Variants in MICAL3 observed in about 807,000 individuals in gnomAD.
MICAL3 encodes the protein microtubule associated monooxygenase, calponin and LIM domain containing 3, also known as [F-actin]-monooxygenase MICAL3.
Under a neutral mutation model 207.4 loss-of-function variants are expected in MICAL3, and 62 were observed. That is an observed-to-expected ratio of 0.30 (90% CI 0.24 to 0.37). The LOEUF is 0.37. MICAL3 is among the 10% of genes least tolerant of loss of function. MICAL3 has a pLI of 1.00. For synonymous variants in MICAL3, 1,077 were observed against 1,069.3 expected (o/e 1.01, Z -0.14); for missense variants, 2,368 against 2,635.6 (o/e 0.90, Z 2.22).
At chr22:17,812,228 C>T (rs2062056420) in intron 27 of MICAL3, among the ~76,000 whole-genome samples, 1 of 152,276 alleles carries the variant, frequency 6.6e-6, no homozygotes, top group South Asian at 2.1e-4. Flanking sequence ...TGAACTGCCC[C>T]TCTCTGGGGT....
chr22:17,877,732 T>C (rs1353756216), intron 16 of MICAL3, among the ~76,000 whole-genome samples: 1 of 152,074 alleles, frequency 6.6e-6, no homozygotes, highest in Admixed American at 6.5e-5. Flanking sequence ...TCTGCAAGCC[T>C]TATTGCCTCC....
At chr22:17,965,978 C>T (rs1935125002) in intron 1 of MICAL3, among the ~76,000 whole-genome samples, 1 of 152,184 alleles carries the variant, frequency 6.6e-6, no homozygotes, top group South Asian at 2.1e-4. Flanking sequence ...GACAGCTGTT[C>T]CCAGGACCAG....
chr22:17,904,831 G>C lies in MICAL3; in HGVS notation c.273C>G (p.Ile91Met), dbSNP rs775327987. Residue 91 changes from isoleucine (I) to methionine (M), a missense_variant, in exon 3 of 32, where the codon ATC becomes ATG. Around this residue, in one of 4 missense-constraint regions of MICAL3, gnomAD observed 400 missense variants for 547.0 expected, o/e 0.73. Coordinates refer to ENST00000441493, the MANE Select transcript of MICAL3 (RefSeq NM_015241.3). ...GGAGACCACAGGGGCCAGCCCCAAT[G>C]ATGAGACACTGAAAAACACAGCTGC... ...GKACTNTKCL[I>M]IGAGPCGLRT... is the part of the protein sequence containing the mutation. The C allele has an allele frequency of 6.2e-7, 1 of 1,612,964 alleles. No homozygotes were observed. Among genetic ancestry groups the C allele is most frequent in the South Asian group, 1.1e-5 (1 of 91,066 alleles).
intron 19 of MICAL3, among the ~76,000 whole-genome samples, chr22:17,859,459 C>A (rs5992125): frequency 6.6e-6 from 1 of 152,144 alleles, no homozygotes. Context: ...TGACAAAATG[C>A]GGGAACAGTG....
rs887806773 is a variant in MICAL3, at chr22:17,809,299, G to T, written c.5557-362C>A. Among the ~76,000 whole-genome samples, 5 of 152,208 alleles carry T rather than the reference G, an allele frequency of 3.3e-5. No individual in the cohort carries two copies. In the South Asian group the frequency reaches 1.0e-3, roughly 31 times the overall value. On this transcript the variant is annotated intron_variant, in intron 28 of 31. Transcript: ENST00000441493. ...CAAGACTGCTAGAGTGCTGGAGGGG[G>T]TTCCTGAAGAGTGCAGTGGAAATCC...
At chr22:17,974,804 C>T (rs1052944112) in intron 1 of MICAL3, among the ~76,000 whole-genome samples, 1 of 151,020 alleles carries the variant, frequency 6.6e-6, no homozygotes, top group African/African-American at 2.4e-5. Flanking sequence ...GTAATATGTG[C>T]TTACTGTGTG....
At chr22:17,797,508 G>A (rs1241614882) in intron 29 of MICAL3, among the ~76,000 whole-genome samples, 1 of 152,090 alleles carries the variant, frequency 6.6e-6, no homozygotes, top group African/African-American at 2.4e-5. Context: ...AAATAAATAA[G>A]TAATAATAGC....
intron 16 of MICAL3, among the ~76,000 whole-genome samples, chr22:17,881,026 G>C (rs558597342): frequency 6.6e-6 from 1 of 152,294 alleles, no homozygotes; most frequent in Admixed American, 6.5e-5. Flanking sequence ...TGTGAATGTA[G>C]GATGCACCAT....
chr22:17,985,739 G>A (rs1028966748), intron 1 of MICAL3, among the ~76,000 whole-genome samples: 4 of 152,022 alleles, frequency 2.6e-5, no homozygotes, highest in African/African-American at 9.7e-5. Context: ...CAGCAGAATC[G>A]AGGCTTTCTC....
chr22:17,949,453 C>T (rs368813988), intron 1 of MICAL3, among the ~76,000 whole-genome samples: 1 of 152,296 alleles, frequency 6.6e-6, no homozygotes, highest in South Asian at 2.1e-4. Flanking sequence ...CAGTGAGCGA[C>T]AAAGCAGGGA....
chr22:17,969,269 G>A (rs1168816614), intron 1 of MICAL3, among the ~76,000 whole-genome samples: 5 of 152,196 alleles, frequency 3.3e-5, no homozygotes, highest in African/African-American at 1.2e-4. Flanking sequence ...TTGAACTCCT[G>A]ACCTCGTGAT....
chr22:17,864,865 C>T (rs771017387), intron 19 of MICAL3, 34 bp downstream of exon 19: 12 of 1,613,734 alleles, frequency 7.4e-6, no homozygotes, highest in South Asian at 4.4e-5. Flanking sequence ...GAGGGAGTGA[C>T]GCGCCACCCA....
At chr22:17,826,419 G>A (rs1922195904) in intron 22 of MICAL3, 12 of 979,460 alleles carry the variant, frequency 1.2e-5, no homozygotes, top group Middle Eastern at 1.0e-3. Context: ...GAGAGGTTAC[G>A]GTGAGTGGGG....
intron 28 of MICAL3, 45 bp downstream of exon 28, chr22:17,810,658 A>C: frequency 2.0e-6 from 3 of 1,477,668 alleles, no homozygotes; most frequent in Non-Finnish European, 2.8e-6. Context: ...GATGCTGCCC[A>C]ACCCTCCCAT....
chr22:17,936,402 A>C (rs1460403868), intron 1 of MICAL3, among the ~76,000 whole-genome samples: 1 of 152,116 alleles, frequency 6.6e-6, no homozygotes, highest in Non-Finnish European at 1.5e-5. Context: ...AGGGCGGGGA[A>C]CACCACACAC....
chr22:17,860,468 C>A (rs925278838), intron 19 of MICAL3: 1 of 985,518 alleles, frequency 1.0e-6, no homozygotes, highest in Non-Finnish European at 1.2e-6. Context: ...CCCGCAGGCA[C>A]CCCAAGCTGA....
chr22:17,989,597 A>G (rs929143048), intron 1 of MICAL3, among the ~76,000 whole-genome samples: 3 of 151,936 alleles, frequency 2.0e-5, no homozygotes, highest in African/African-American at 7.2e-5. Context: ...GCACCCCCAC[A>G]TCTCACTTAA....
intron 1 of MICAL3, among the ~76,000 whole-genome samples, chr22:18,015,729 A>C (rs1280459675): frequency 6.6e-6 from 1 of 152,142 alleles, no homozygotes; most frequent in East Asian, 1.9e-4. Context: ...GCTATGGCAC[A>C]GGCACACAGA....
chr22:17,818,811 G>T lies in MICAL3; in HGVS notation c.3850C>A (p.Pro1284Thr). The T allele has an allele frequency of 6.4e-7, 1 of 1,566,652 alleles. No individual in the cohort carries two copies. Among genetic ancestry groups the T allele is most frequent in the East Asian group, 2.3e-5 (1 of 44,328 alleles). Residue 1284 changes from proline (P) to threonine (T), a missense_variant, in exon 26 of 32, where the codon CCT becomes ACT. Pro to Thr is a conservative substitution (Grantham distance 38). Coordinates refer to ENST00000441493, the MANE Select transcript of MICAL3 (RefSeq NM_015241.3). Reference sequence around the variant, plus strand: ...GGGGTGGATGTTTTGGCCGGGGCAGGCTGGAAGCGTATGGGGGACTGGGTA... The same window carrying T: ...GGGGTGGATGTTTTGGCCGGGGCAGTCTGGAAGCGTATGGGGGACTGGGTA... ...SPTQSPIRFQ[P>T]APAKTSTPLA...
Sources: gnomAD v4.1 joint callset for allele counts (sites outside exome capture counted in the v4.1 genomes callset) on GRCh38, gnomAD v4.1.1 for gene constraint, gnomAD v4.1.1 regional missense constraint, MANE v1.5 for transcripts, NCBI Gene and HGNC (gene_info 2026-07-23, HGNC 2026-07-21) for gene names.